Variants in FAF2 observed in about 807,000 individuals in gnomAD.
The protein encoded by FAF2 is FAS-associated factor 2.
In FAF2, 9 loss-of-function variants were observed where a neutral mutation model predicts 62.3. The observed-to-expected ratio is 0.14, with a 90% CI of 0.09 to 0.25. The LOEUF is 0.25. Ranked by LOEUF, FAF2 falls within the 10% of genes least tolerant of loss-of-function variation. The probability of loss-of-function intolerance (pLI) is 1.00; values close to 1 mark genes in which losing one functional copy is unlikely to be tolerated. For missense variants in FAF2, 368 were observed against 556.2 expected, an observed-to-expected ratio of 0.66 and a Z score of 3.40; for synonymous variants, 202 against 198.0, an observed-to-expected ratio of 1.02 and a Z score of -0.17.
chr5:176,475,291 G>A (rs993415109), intron 1 of FAF2, among the ~76,000 whole-genome samples: 2 of 151,898 alleles, frequency 1.3e-5, no homozygotes, highest in Non-Finnish European at 2.9e-5. Context: ...CACCACACCC[G>A]GCTAATTTTT....
chr5:176,458,070 C>G (rs1410885616), intron 1 of FAF2, among the ~76,000 whole-genome samples: 1 of 152,036 alleles, frequency 6.6e-6, no homozygotes, highest in Admixed American at 6.6e-5. Context: ...TTTCTCTTCT[C>G]TTTTCACTCC....
intron 8 of FAF2, among the ~76,000 whole-genome samples, chr5:176,498,408 T>C (rs1561828082): frequency 6.6e-6 from 1 of 152,172 alleles, no homozygotes; most frequent in East Asian, 1.9e-4. Context: ...AAACAGAAAT[T>C]TGTTGGAGAG....
chr5:176,486,538 A>G lies in FAF2; in HGVS notation c.267+49A>G, dbSNP rs765713766. 2.0e-5 allele frequency: 32 copies of G among 1,592,924 alleles called. 1 individual carries two copies. The Admixed American group carries it at 4.9e-4, about 24-fold the overall frequency. Reference sequence around the variant, plus strand: ...TTCCCCCTTTTTTATTTATAAGTATATCCACTTGGTTATATTGATCTCCCT... The same window carrying G: ...TTCCCCCTTTTTTATTTATAAGTATGTCCACTTGGTTATATTGATCTCCCT... On this transcript the variant is annotated intron_variant, in intron 3 of 10. Coordinates refer to ENST00000261942, the MANE Select transcript of FAF2 (RefSeq NM_014613.3).
chr5:176,506,062 G>A (rs1050488949), intron 10 of FAF2, among the ~76,000 whole-genome samples: 3 of 151,810 alleles, frequency 2.0e-5, no homozygotes, highest in African/African-American at 7.3e-5. Context: ...GTGGTGGCGG[G>A]CGCTTGCACT....
chr5:176,504,779 A>G (rs188085628), intron 10 of FAF2, among the ~76,000 whole-genome samples: 144 of 152,302 alleles, frequency 9.5e-4, no homozygotes, highest in African/African-American at 3.2e-3. Flanking sequence ...CAAGAGGAAC[A>G]TGGATTTACT....
chr5:176,500,298 G>A (rs1005464630), intron 10 of FAF2, 152 bp downstream of exon 10: 11 of 779,600 alleles, frequency 1.4e-5, no homozygotes, highest in Non-Finnish European at 1.6e-5. Context: ...GCCATCCGTG[G>A]ACACCAGGAA....
intron 1 of FAF2, among the ~76,000 whole-genome samples, chr5:176,451,741 G>A (rs1216289320): frequency 7.5e-6 from 1 of 133,654 alleles, no homozygotes; most frequent in African/African-American, 2.8e-5. Flanking sequence ...ATATATATGT[G>A]TATATATGTA....
chr5:176,501,433 G>A (rs754561216), intron 10 of FAF2, among the ~76,000 whole-genome samples: 1 of 152,144 alleles, frequency 6.6e-6, no homozygotes, highest in East Asian at 1.9e-4. Flanking sequence ...TGTTTAACTG[G>A]ACAACATTGG....
At chr5:176,498,150 A>C (rs1015678615) in intron 8 of FAF2, among the ~76,000 whole-genome samples, 2 of 152,208 alleles carry the variant, frequency 1.3e-5, no homozygotes, top group Admixed American at 1.3e-4. Flanking sequence ...AGAAAAATGC[A>C]AGATCAAAAT....
At chr5:176,503,909 A>C (rs1264308103) in intron 10 of FAF2, among the ~76,000 whole-genome samples, 1 of 152,052 alleles carries the variant, frequency 6.6e-6, no homozygotes, top group African/African-American at 2.4e-5. Context: ...TGCCTGTAAT[A>C]CCAGCACTTT....
intron 1 of FAF2, among the ~76,000 whole-genome samples, chr5:176,464,922 G>C (rs1452757669): frequency 1.3e-5 from 2 of 152,044 alleles, no homozygotes; most frequent in Non-Finnish European, 2.9e-5. Flanking sequence ...GAGTCTCGCT[G>C]TATCGCCCCG....
intron 1 of FAF2, among the ~76,000 whole-genome samples, chr5:176,458,404 CTTCCT>C (rs1561815557): frequency 6.8e-5 from 2 of 29,270 alleles, no homozygotes; most frequent in African/African-American, 3.0e-4. Context: ...TTTTCTTTTT[CTTCCT>C]TTTTTTTTTT....
At chr5:176,451,831 TATATATATATACAC>T (rs1758181635) in intron 1 of FAF2, among the ~76,000 whole-genome samples, 1 of 26,000 alleles carries the variant, frequency 3.8e-5, no homozygotes, top group African/African-American at 1.6e-4. Flanking sequence ...TATATATACA[TATATATATATACAC>T]ACATATATAT....
intron 3 of FAF2, among the ~76,000 whole-genome samples, chr5:176,488,329 T>G (rs1189684478): frequency 1.3e-5 from 2 of 151,890 alleles, no homozygotes; most frequent in Non-Finnish European, 2.9e-5. Context: ...AAAGAATGAG[T>G]GTGTATCATT....
At chr5:176,479,021 AAC>A (rs1290198568) in intron 1 of FAF2, among the ~76,000 whole-genome samples, 165 bp from the exon 2 acceptor site, 2 of 152,216 alleles carry the variant, frequency 1.3e-5, no homozygotes, top group Non-Finnish European at 2.9e-5. Context: ...ACGCATCTAG[AAC>A]AGTCAGCTGA....
chr5:176,488,370 C>A (rs1198856929), intron 3 of FAF2, among the ~76,000 whole-genome samples: 1 of 152,152 alleles, frequency 6.6e-6, no homozygotes, highest in Non-Finnish European at 1.5e-5. Flanking sequence ...TTGAATTTGA[C>A]AAGTCTATAA....
rs1446240362 is a variant in FAF2 at position 176,509,321 on chromosome 5, A to G, written c.*2371A>G. ...TGCCAGTACAATCTGTGTTACTCCT[A>G]AGGACTTTTGGGATTTTGATGAGAC... On this transcript the variant is annotated 3_prime_UTR_variant, in exon 11 of 11. Coordinates refer to ENST00000261942, the MANE Select transcript of FAF2 (RefSeq NM_014613.3). 6.6e-6 allele frequency: 1 copy of G among 152,148 alleles called. No individual in the cohort carries two copies. Among genetic ancestry groups the G allele is most frequent in the Non-Finnish European group, 1.5e-5 (1 of 68,032 alleles). 9.4% of individuals were successfully genotyped at this position (152,148 alleles called of 1,614,324 possible).
chr5:176,460,262 G>A (rs1758354986), intron 1 of FAF2, among the ~76,000 whole-genome samples: 1 of 152,004 alleles, frequency 6.6e-6, no homozygotes, highest in African/African-American at 2.4e-5. Flanking sequence ...TGGGATTGTT[G>A]GGTCAATTGA....
At chr5:176,479,347 A>C (rs776837007) in intron 2 of FAF2, 91 bp downstream of exon 2, 3 of 1,030,066 alleles carry the variant, frequency 2.9e-6, no homozygotes, top group Non-Finnish European at 4.5e-6. Flanking sequence ...GAATCTTTTC[A>C]GTAGATTTTT....
Sources: gnomAD v4.1 joint callset for allele counts (sites outside exome capture counted in the v4.1 genomes callset) on GRCh38, gnomAD v4.1.1 for gene constraint, MANE v1.5 for transcripts, NCBI Gene and HGNC (gene_info 2026-07-23, HGNC 2026-07-21) for gene names.